Variants in RNF217 observed in about 807,000 individuals in gnomAD.
The protein encoded by RNF217 is ring finger protein 217.
Under a neutral mutation model 57.8 loss-of-function variants are expected in RNF217, and 31 were observed. The observed-to-expected ratio is 0.54, with a 90% CI of 0.40 to 0.72. RNF217 has a LOEUF of 0.72. Among genes scored for constraint, RNF217 ranks in the 30% least tolerant of loss-of-function variants. The pLI, the probability that RNF217 is intolerant of heterozygous loss-of-function variation, is 0.00. For missense variants in RNF217, 696 were observed against 708.3 expected, an observed-to-expected ratio of 0.98 and a Z score of 0.20; for synonymous variants, 313 against 294.0, an observed-to-expected ratio of 1.06 and a Z score of -0.66.
intron 1 of RNF217, among the ~76,000 whole-genome samples, chr6:125,020,628 A>T (rs919009051): frequency 6.6e-6 from 1 of 152,002 alleles, no homozygotes; most frequent in Non-Finnish European, 1.5e-5. Context: ...CCAAGTAAAC[A>T]TCTGTTCCGG....
chr6:124,981,225 C>T (rs1276109268), intron 1 of RNF217, among the ~76,000 whole-genome samples: 2 of 152,024 alleles, frequency 1.3e-5, no homozygotes, highest in African/African-American at 2.4e-5. Context: ...TTTGTAATAT[C>T]TCATTAAATT....
intron 1 of RNF217, among the ~76,000 whole-genome samples, chr6:124,996,128 A>G (rs1050780010): frequency 3.3e-5 from 5 of 152,014 alleles, no homozygotes; most frequent in Admixed American, 3.3e-4. Flanking sequence ...GCCAGTTGAT[A>G]CTCGCTCCAC....
At chr6:125,022,184 T>C (rs1244785001) in intron 1 of RNF217, among the ~76,000 whole-genome samples, 3 of 152,192 alleles carry the variant, frequency 2.0e-5, no homozygotes, top group Admixed American at 2.0e-4. Flanking sequence ...GCCTGGCCTG[T>C]TTTCTTACTG....
chr6:124,981,832 C>T (rs984337761), intron 1 of RNF217, among the ~76,000 whole-genome samples: 6 of 150,028 alleles, frequency 4.0e-5, no homozygotes, highest in African/African-American at 9.8e-5. Flanking sequence ...TCCTGGCGAA[C>T]GTGGTGAAAC....
chr6:124,965,463 C>T (rs1345970965), intron 1 of RNF217, among the ~76,000 whole-genome samples: 1 of 152,066 alleles, frequency 6.6e-6, no homozygotes, highest in African/African-American at 2.4e-5. Flanking sequence ...ATCCCAGCTA[C>T]TTGGAAGGCT....
chr6:125,045,112 A>C, intron 1 of RNF217, 99 bp from the exon 2 acceptor site: 1 of 713,310 alleles, frequency 1.4e-6, no homozygotes. Flanking sequence ...ACAATCCTTT[A>C]TTGCGGTCAT....
At chr6:125,071,536 G>A (rs544426) in intron 3 of RNF217, among the ~76,000 whole-genome samples, 90,267 of 143,152 alleles carry the variant, frequency 0.63, 28,222 homozygotes, top group African/African-American at 0.72. Context: ...GTGTGTGTGT[G>A]TATATCTTAT....
chr6:125,074,687 C>G (rs1484691737), intron 3 of RNF217, among the ~76,000 whole-genome samples: 1 of 152,000 alleles, frequency 6.6e-6, no homozygotes, highest in Non-Finnish European at 1.5e-5. Context: ...TATCCCACCT[C>G]CATAATCATT....
At chr6:125,028,102 CT>C (rs1020046461) in intron 1 of RNF217, among the ~76,000 whole-genome samples, 49 of 152,208 alleles carry the variant, frequency 3.2e-4, no homozygotes, top group African/African-American at 1.1e-3. Flanking sequence ...TTGGTTATAT[CT>C]TTGCTGTGTA....
intron 1 of RNF217, among the ~76,000 whole-genome samples, chr6:125,039,402 G>C (rs1582740508): frequency 6.6e-6 from 1 of 152,052 alleles, no homozygotes; most frequent in Non-Finnish European, 1.5e-5. Context: ...AGAGCTAACT[G>C]TCCTAAATAT....
chr6:124,985,759 G>T (rs1784345564), intron 1 of RNF217, among the ~76,000 whole-genome samples: 1 of 152,030 alleles, frequency 6.6e-6, no homozygotes, highest in South Asian at 2.1e-4. Context: ...TGGGAAGGAA[G>T]AGAGAGGTAG....
intron 1 of RNF217, among the ~76,000 whole-genome samples, chr6:124,968,800 A>G (rs1783648705): frequency 1.3e-5 from 2 of 152,238 alleles, no homozygotes; most frequent in Admixed American, 1.3e-4. Context: ...GATCATTAGA[A>G]TTTAAACCCT....
intron 1 of RNF217, among the ~76,000 whole-genome samples, chr6:124,989,749 A>G (rs981739802): frequency 1.3e-5 from 2 of 152,056 alleles, no homozygotes; most frequent in African/African-American, 4.8e-5. Context: ...AACAGGCAGC[A>G]GGTTAGATGT....
chr6:125,028,997 A>C (rs1386823759), intron 1 of RNF217, among the ~76,000 whole-genome samples: 1 of 152,198 alleles, frequency 6.6e-6, no homozygotes, highest in East Asian at 1.9e-4. Context: ...TAACAAAATC[A>C]AGAAGTTTTA....
chr6:125,057,758 T>C (rs1264165873), intron 2 of RNF217, among the ~76,000 whole-genome samples, 184 bp from the exon 3 acceptor site: 1 of 152,150 alleles, frequency 6.6e-6, no homozygotes, highest in Non-Finnish European at 1.5e-5. Context: ...CAAGTCATCC[T>C]TGCCAAAGCA....
intron 1 of RNF217, among the ~76,000 whole-genome samples, chr6:124,970,123 C>T (rs1183611010): frequency 6.6e-6 from 1 of 152,112 alleles, no homozygotes; most frequent in Non-Finnish European, 1.5e-5. Context: ...GGATTAAGCC[C>T]ATCAGGTATC....
chr6:124,992,748 A>AT (rs772933804), intron 1 of RNF217, among the ~76,000 whole-genome samples: 14 of 152,004 alleles, frequency 9.2e-5, no homozygotes, highest in South Asian at 8.3e-4. Context: ...TGTTGTAATG[A>AT]TTTTTTTTGT....
chr6:125,077,090 G>A (rs1272777164), intron 4 of RNF217, among the ~76,000 whole-genome samples: 5 of 152,070 alleles, frequency 3.3e-5, no homozygotes, highest in Non-Finnish European at 7.4e-5. Flanking sequence ...TTAATCACAC[G>A]CAGAAATCTG....
intron 1 of RNF217, among the ~76,000 whole-genome samples, chr6:125,028,445 G>A (rs1223389932): frequency 6.6e-6 from 1 of 152,038 alleles, no homozygotes; most frequent in African/African-American, 2.4e-5. Context: ...ACTACACTGA[G>A]TGTATATAGT....
Sources: gnomAD v4.1 joint callset for allele counts (sites outside exome capture counted in the v4.1 genomes callset) on GRCh38, gnomAD v4.1.1 for gene constraint, MANE v1.5 for transcripts, NCBI Gene and HGNC (gene_info 2026-07-23, HGNC 2026-07-21) for gene names.